ADGRV1: variants seen among roughly 807,000 people sequenced by gnomAD.
ADGRV1 encodes the protein adhesion G protein-coupled receptor V1.
In ADGRV1, 359 loss-of-function variants were observed where a neutral mutation model predicts 596.2. That is an observed-to-expected ratio of 0.60 (90% CI 0.55 to 0.66). The LOEUF (loss-of-function observed/expected upper bound fraction) is 0.66. Among genes scored for constraint, ADGRV1 ranks in the 30% least tolerant of loss-of-function variants. The probability of loss-of-function intolerance (pLI) is 0.00; values close to 1 mark genes in which losing one functional copy is unlikely to be tolerated. For missense variants in ADGRV1, 7,274 were observed against 7,575.6 expected (o/e 0.96, Z 1.48); for synonymous variants, 2,681 against 2,679.2 (o/e 1.00, Z -0.02).
chr5:90,987,751 G>A (rs2151058883), intron 85 of ADGRV1, among the ~76,000 whole-genome samples: 1 of 151,976 alleles, frequency 6.6e-6, no homozygotes, highest in African/African-American at 2.4e-5. Flanking sequence ...CCCATCTGTT[G>A]GGCAGTGGTT....
chr5:90,665,826 T>C (rs910580835), intron 21 of ADGRV1, among the ~76,000 whole-genome samples: 3 of 151,478 alleles, frequency 2.0e-5, no homozygotes, highest in African/African-American at 7.3e-5. Context: ...TTCGTTCTTG[T>C]TGGTTTCAAA....
At chr5:90,871,346 A>T (rs1768655453) in intron 83 of ADGRV1, among the ~76,000 whole-genome samples, 1 of 152,166 alleles carries the variant, frequency 6.6e-6, no homozygotes, top group Non-Finnish European at 1.5e-5. Flanking sequence ...TCTTTCTTAA[A>T]GTCTCTTAAT....
At chr5:90,720,343 G>A (rs553262948) in intron 44 of ADGRV1, 120 bp downstream of exon 44, 63 of 689,664 alleles carry the variant, frequency 9.1e-5, no homozygotes, top group Non-Finnish European at 1.3e-4. Flanking sequence ...TTTTTAAAAT[G>A]AACTCTAGAA....
intron 75 of ADGRV1, among the ~76,000 whole-genome samples, chr5:90,822,567 C>A (rs1349452436): frequency 2.6e-5 from 4 of 152,138 alleles, no homozygotes; most frequent in Admixed American, 6.5e-5. Context: ...TAGCGTGATG[C>A]CTCCAGCTTT....
chr5:90,595,154 G>A (rs1366548286), intron 1 of ADGRV1, among the ~76,000 whole-genome samples: 6 of 113,854 alleles, frequency 5.3e-5, no homozygotes, highest in African/African-American at 2.3e-4. Flanking sequence ...CGGCTGGCCG[G>A]GTGGGGGGCT....
chr5:90,772,266 A>G (rs1757775179), intron 59 of ADGRV1, among the ~76,000 whole-genome samples: 1 of 152,182 alleles, frequency 6.6e-6, no homozygotes, highest in South Asian at 2.1e-4. Flanking sequence ...ACATACAGAA[A>G]GTGTTGGAGA....
At chr5:90,668,784 A>G (rs535245296) in intron 21 of ADGRV1, among the ~76,000 whole-genome samples, 1 of 152,330 alleles carries the variant, frequency 6.6e-6, no homozygotes, top group African/African-American at 2.4e-5. Flanking sequence ...AGATATGAAT[A>G]GTGATTTTTT....
intron 1 of ADGRV1, among the ~76,000 whole-genome samples, chr5:90,592,008 G>A (rs1291494311): frequency 6.6e-6 from 1 of 152,212 alleles, no homozygotes; most frequent in Non-Finnish European, 1.5e-5. Flanking sequence ...GATTCAGGAT[G>A]TAACTTAGGT....
chr5:90,734,407 C>A (rs1442339145), intron 50 of ADGRV1, among the ~76,000 whole-genome samples: 1 of 152,116 alleles, frequency 6.6e-6, no homozygotes, highest in Non-Finnish European at 1.5e-5. Context: ...TTCCTTTTCT[C>A]CTCTTCTTCA....
At chr5:91,096,020 A>G (rs1361753413) in intron 86 of ADGRV1, among the ~76,000 whole-genome samples, 3 of 150,814 alleles carry the variant, frequency 2.0e-5, no homozygotes, top group Non-Finnish European at 4.4e-5. Flanking sequence ...TCAGCCTCCC[A>G]AAGTGCTGGA....
chr5:90,937,564 T>C (rs1775813538), intron 83 of ADGRV1, among the ~76,000 whole-genome samples: 1 of 151,774 alleles, frequency 6.6e-6, no homozygotes, highest in Non-Finnish European at 1.5e-5. Flanking sequence ...TTCACGCCGT[T>C]CTCCTGCCTC....
intron 85 of ADGRV1, among the ~76,000 whole-genome samples, chr5:91,064,886 A>G (rs540933687): frequency 6.6e-6 from 1 of 152,360 alleles, no homozygotes; most frequent in African/African-American, 2.4e-5. Flanking sequence ...ACGTACACAC[A>G]CAATGCATGC....
chr5:91,057,134 G>C (rs1786955099), intron 85 of ADGRV1, among the ~76,000 whole-genome samples: 1 of 152,200 alleles, frequency 6.6e-6, no homozygotes, highest in Non-Finnish European at 1.5e-5. Context: ...TATGAGTAAG[G>C]AAGAGCAGCC....
intron 86 of ADGRV1, among the ~76,000 whole-genome samples, chr5:91,100,297 C>G (rs917850531): frequency 1.3e-5 from 2 of 152,110 alleles, no homozygotes; most frequent in African/African-American, 4.8e-5. Flanking sequence ...TGGCATGCGC[C>G]TATAGTTTCA....
At chr5:90,656,996 G>A (rs1416185339) in intron 20 of ADGRV1, among the ~76,000 whole-genome samples, 1 of 151,928 alleles carries the variant, frequency 6.6e-6, no homozygotes, top group Non-Finnish European at 1.5e-5. Flanking sequence ...TAGTTGTTTG[G>A]ATAGAGAGAT....
chr5:90,842,471 G>A (rs925301641), intron 78 of ADGRV1, among the ~76,000 whole-genome samples: 6 of 152,054 alleles, frequency 3.9e-5, no homozygotes, highest in South Asian at 4.1e-4. Context: ...CAGCGGAGGC[G>A]GGATTGGGAG....
chr5:90,783,182 C>A lies in ADGRV1; in HGVS notation c.13290C>A (p.Gly4430=), dbSNP rs773137569. The stretch of plus-strand genomic sequence containing the variant: ...TGGTGAGGCTACATGGAACTTATGG[C>A]TATGTGACAGCTGATTTCATCTCTC... ...IPVVRLHGTY[G]YVTADFISQS... is the part of the protein sequence containing the mutation. The change falls in exon 66 of 90, where the codon GGC becomes GGA. Residue 4430 remains glycine, a synonymous_variant. Transcript: ENST00000405460. 6.2e-7 allele frequency: 1 copy of A among 1,613,620 alleles called. No homozygotes were observed. The highest frequency in any genetic ancestry group is 8.5e-7 in the Non-Finnish European group (1 of 1,179,622).
intron 21 of ADGRV1, among the ~76,000 whole-genome samples, chr5:90,670,385 G>A (rs1019759013): frequency 1.3e-5 from 2 of 152,228 alleles, no homozygotes; most frequent in Admixed American, 6.5e-5. Flanking sequence ...GAAATGGCCT[G>A]AAGTATGAAG....
At chr5:90,797,087 C>A (rs1760806655) in intron 70 of ADGRV1, among the ~76,000 whole-genome samples, 1 of 150,558 alleles carries the variant, frequency 6.6e-6, no homozygotes, top group Non-Finnish European at 1.5e-5. Context: ...AACCAGCTGG[C>A]ATCATGATGA....
Sources: gnomAD v4.1 joint callset for allele counts (sites outside exome capture counted in the v4.1 genomes callset) on GRCh38, gnomAD v4.1.1 for gene constraint, MANE v1.5 for transcripts, NCBI Gene and HGNC (gene_info 2026-07-23, HGNC 2026-07-21) for gene names.